Variants in PROS1 observed in about 807,000 individuals in gnomAD.
PROS1 encodes protein S, also known as vitamin K-dependent protein S.
A neutral mutation model predicts 75.9 loss-of-function variants in PROS1; 29 were observed. That is an observed-to-expected ratio of 0.38 (90% CI 0.28 to 0.52). The LOEUF (loss-of-function observed/expected upper bound fraction) is 0.52. Among genes scored for constraint, PROS1 ranks in the 20% least tolerant of loss-of-function variants. PROS1 has a pLI of 0.83. For synonymous variants in PROS1, 245 were observed against 280.6 expected, an observed-to-expected ratio of 0.87 and a Z score of 1.27; for missense variants, 680 against 810.3, an observed-to-expected ratio of 0.84 and a Z score of 1.95.
At chr3:93,949,319 T>C (rs1709455765) in intron 1 of PROS1, among the ~76,000 whole-genome samples, 1 of 152,238 alleles carries the variant, frequency 6.6e-6, no homozygotes, top group Non-Finnish European at 1.5e-5. Context: ...CAATGTCACC[T>C]ACTTTTATAA....
At chr3:93,947,013 G>A (rs938272955) in intron 1 of PROS1, among the ~76,000 whole-genome samples, 8 of 152,132 alleles carry the variant, frequency 5.3e-5, no homozygotes, top group East Asian at 1.9e-4. Flanking sequence ...CAAAGGTTAC[G>A]AACAGAAACT....
rs138522219 is a variant in PROS1 at position 93,959,120 on chromosome 3, C to T, written c.76+14554G>A. 3.0e-3 allele frequency among the ~76,000 whole-genome samples: 460 copies of T among 152,066 alleles called. 4 individuals are homozygous for T. The highest frequency in any genetic ancestry group is 0.01 in the African/African-American group (432 of 41,466). On this transcript the variant is annotated intron_variant, in intron 1 of 14. Coordinates refer to ENST00000394236, the MANE Select transcript of PROS1 (RefSeq NM_000313.4). The stretch of plus-strand genomic sequence containing the variant: ...TTTGGGAGGCTGAGGTAGAAGGATC[C>T]GTTGAGCTCAGGAGTTGGAGACCAG...
At chr3:93,935,629 T>C (rs1277386169) in intron 1 of PROS1, among the ~76,000 whole-genome samples, 2 of 152,128 alleles carry the variant, frequency 1.3e-5, no homozygotes, top group Non-Finnish European at 2.9e-5. Context: ...GCTTAGAGGC[T>C]TAGAAGGATT....
chr3:93,901,760 T>C (rs1379641730), intron 6 of PROS1, among the ~76,000 whole-genome samples: 1 of 152,240 alleles, frequency 6.6e-6, no homozygotes, highest in Non-Finnish European at 1.5e-5. Context: ...TAGGAATTTT[T>C]CTATATTTTG....
At chr3:93,916,125 A>C (rs1479793315) in intron 3 of PROS1, among the ~76,000 whole-genome samples, 3 of 152,142 alleles carry the variant, frequency 2.0e-5, no homozygotes, top group Admixed American at 6.5e-5. Context: ...GTAGTAAGGC[A>C]AAAGGGTACA....
intron 3 of PROS1, among the ~76,000 whole-genome samples, chr3:93,912,089 C>T (rs1708766274): frequency 6.6e-6 from 1 of 152,166 alleles, no homozygotes; most frequent in South Asian, 2.1e-4. Flanking sequence ...TATTGTTTTA[C>T]AGTGCCGAGA....
At chr3:93,927,127 G>T in intron 2 of PROS1, 123 bp downstream of exon 2, 1 of 1,270,800 alleles carries the variant, frequency 7.9e-7, no homozygotes, top group Non-Finnish European at 1.1e-6. Context: ...GTGGTTATGT[G>T]TGGAAGGTGA....
intron 12 of PROS1, among the ~76,000 whole-genome samples, chr3:93,880,132 T>C (rs1001378204): frequency 6.6e-6 from 1 of 152,072 alleles, no homozygotes; most frequent in Admixed American, 6.6e-5. Flanking sequence ...ATAAGGAAAA[T>C]CATTTTCCTT....
At chr3:93,972,594 T>C (rs1208108053) in intron 1 of PROS1, among the ~76,000 whole-genome samples, 1 of 151,964 alleles carries the variant, frequency 6.6e-6, no homozygotes, top group East Asian at 1.9e-4. Context: ...ATCCCAGCAC[T>C]TTGGGAGGCC....
chr3:93,931,554 A>G (rs1240203408), intron 1 of PROS1, among the ~76,000 whole-genome samples: 42 of 152,226 alleles, frequency 2.8e-4, no homozygotes, highest in Admixed American at 2.7e-3. Flanking sequence ...AAATAAAAAA[A>G]TAATGCTTGT....
chr3:93,941,821 C>T (rs1709292409), intron 1 of PROS1, among the ~76,000 whole-genome samples: 1 of 152,152 alleles, frequency 6.6e-6, no homozygotes, highest in South Asian at 2.1e-4. Context: ...AAATCACAAA[C>T]TATTCTCAAC....
chr3:93,893,653 G>T (rs762348316), intron 9 of PROS1, among the ~76,000 whole-genome samples: 1 of 151,726 alleles, frequency 6.6e-6, no homozygotes, highest in Non-Finnish European at 1.5e-5. Flanking sequence ...CACATGTCAG[G>T]AATCACTCGT....
At position 93,896,664 on chromosome 3, in the gene PROS1, G is replaced by T. The variant is rs1708506233; in HGVS notation, c.877C>A (p.Leu293Ile). Residue 293 changes from leucine to isoleucine, a missense_variant, in exon 9 of 15, where the codon CTT (leucine) becomes ATT (isoleucine). Coordinates refer to ENST00000394236, the MANE Select transcript of PROS1 (RefSeq NM_000313.4). ...TAAAGTAATTCATACTTTGTGTCAA[G>T]GTTCAAGGGAAGGCACACTGAAACA... ...EVVSVCLPLN[L>I]DTKYELLYLA... 6.2e-7 allele frequency: 1 copy of T among 1,613,538 alleles called. No individual in the cohort carries two copies. Among genetic ancestry groups the T allele is most frequent in the Non-Finnish European group, 8.5e-7 (1 of 1,179,642 alleles).
chr3:93,950,572 G>A (rs113567256), intron 1 of PROS1, among the ~76,000 whole-genome samples: 2,455 of 152,258 alleles, frequency 0.016, 76 homozygotes, highest in African/African-American at 0.056. Context: ...AGGAAAATAG[G>A]GCCTGGAGTG....
intron 2 of PROS1, among the ~76,000 whole-genome samples, chr3:93,926,065 C>T (rs1709011950): frequency 6.6e-6 from 1 of 152,056 alleles, no homozygotes; most frequent in Non-Finnish European, 1.5e-5. Flanking sequence ...TAGAAATACA[C>T]ACTCAATATT....
intron 1 of PROS1, among the ~76,000 whole-genome samples, chr3:93,940,317 C>A (rs570328958): frequency 2.0e-5 from 3 of 152,244 alleles, no homozygotes; most frequent in Non-Finnish European, 4.4e-5. Flanking sequence ...CTGGAAGCCT[C>A]CTGGACCATC....
chr3:93,947,628 G>A (rs565826892), intron 1 of PROS1, among the ~76,000 whole-genome samples: 73 of 152,026 alleles, frequency 4.8e-4, no homozygotes, highest in Non-Finnish European at 6.2e-4. Flanking sequence ...GTGCAGTGGC[G>A]TGATCTCGGC....
At chr3:93,944,831 A>G (rs1481195044) in intron 1 of PROS1, among the ~76,000 whole-genome samples, 2 of 152,176 alleles carry the variant, frequency 1.3e-5, no homozygotes, top group African/African-American at 4.8e-5. Context: ...GGAGATAGAG[A>G]CACAAAAAAC....
At chr3:93,927,957 GTATATATA>G (rs1174657374) in intron 1 of PROS1, among the ~76,000 whole-genome samples, 2 of 116,058 alleles carry the variant, frequency 1.7e-5, no homozygotes, top group East Asian at 2.5e-4. Context: ...ATATACTTGT[GTATATATA>G]TATGTGTGTA....
Sources: gnomAD v4.1 joint callset for allele counts (sites outside exome capture counted in the v4.1 genomes callset) on GRCh38, gnomAD v4.1.1 for gene constraint, MANE v1.5 for transcripts, NCBI Gene and HGNC (gene_info 2026-07-23, HGNC 2026-07-21) for gene names.